Variants in ARL17B observed in about 807,000 individuals in gnomAD.
The protein encoded by ARL17B is ARF like GTPase 17B, also known as ADP-ribosylation factor-like protein 17.
chr17:46,285,386 T>A (rs1415767227), intron 4 of ARL17B, among the ~76,000 whole-genome samples: 1 of 151,994 alleles, frequency 6.6e-6, no homozygotes, highest in African/African-American at 2.4e-5. Flanking sequence ...GATTACAGGC[T>A]CACGCCACCA....
intron 4 of ARL17B, among the ~76,000 whole-genome samples, chr17:46,286,681 G>A (rs1462547906): frequency 4.6e-5 from 7 of 152,228 alleles, no homozygotes; most frequent in Admixed American, 1.3e-4. Context: ...AATTTGTAAT[G>A]TAAGTGTATA....
exon 5 of ARL17B, chr17:46,275,417 A>T (rs1315356572): frequency 1.0e-6 from 1 of 963,994 alleles, no homozygotes; most frequent in African/African-American, 1.8e-5. Flanking sequence ...TTGTTGTGAG[A>T]CCTACAGAGT....
At position 46,283,234 on chromosome 17, in the gene ARL17B, C is replaced by G. The variant is rs552161562; in HGVS notation, c.*22-7816G>C. ...CCCCACCAGCCTTGCTAAAAGTATT[C>G]TAAGATATTAATTTTATGGTTAATA... On this transcript the variant is annotated intron_variant, in intron 4 of 4. Coordinates refer to the ARL17B transcript ENST00000570618. Among the ~76,000 whole-genome samples, 158 of 152,316 alleles carry G rather than the reference C, an allele frequency of 1.0e-3. 1 individual carries two copies. The highest frequency in any genetic ancestry group is 1.4e-3 in the Non-Finnish European group (98 of 68,034).
chr17:46,323,294 C>A (rs2051497904), intron 3 of ARL17B, among the ~76,000 whole-genome samples: 1 of 56,462 alleles, frequency 1.8e-5, no homozygotes, highest in Non-Finnish European at 4.2e-5. Context: ...CTGTTAGCTA[C>A]TAATCTGATT....
At chr17:46,282,382 C>T (rs1202538115) in intron 4 of ARL17B, among the ~76,000 whole-genome samples, 1 of 151,934 alleles carries the variant, frequency 6.6e-6, no homozygotes, top group Non-Finnish European at 1.5e-5. Flanking sequence ...GGATTACAGG[C>T]GTGATCCACC....
chr17:46,284,499 T>C (rs2049853674), intron 4 of ARL17B, among the ~76,000 whole-genome samples: 1 of 152,258 alleles, frequency 6.6e-6, no homozygotes. Context: ...CTTTTCTTAG[T>C]ACAGAACAAA....
At chr17:46,321,914 C>CA (rs1263117066) in intron 3 of ARL17B, among the ~76,000 whole-genome samples, 188 of 10,978 alleles carry the variant, frequency 0.017, 18 homozygotes, top group East Asian at 0.026. Flanking sequence ...GACTCCATCT[C>CA]AAAAAAAAAA....
intron 4 of ARL17B, among the ~76,000 whole-genome samples, chr17:46,291,631 GACA>G (rs2050069863): frequency 6.6e-6 from 1 of 152,040 alleles, no homozygotes; most frequent in Non-Finnish European, 1.5e-5. Flanking sequence ...ATGAAAAAAA[GACA>G]ACCAGGGCCC....
At chr17:46,291,179 G>C (rs1257459725) in intron 4 of ARL17B, among the ~76,000 whole-genome samples, 1 of 152,216 alleles carries the variant, frequency 6.6e-6, no homozygotes, top group Non-Finnish European at 1.5e-5. Context: ...TCATTTCCTA[G>C]TTCATATATT....
chr17:46,288,650 G>A (rs957428853), intron 4 of ARL17B, among the ~76,000 whole-genome samples: 2 of 151,666 alleles, frequency 1.3e-5, no homozygotes, highest in African/African-American at 4.8e-5. Context: ...ACGACCAGAG[G>A]TCACTTTCGT....
rs373357136 is a variant in ARL17B at position 46,279,424 on chromosome 17, T to A, written c.*22-4006A>T. ...GTCTTGAACTCCCGACCTCAGGTGA[T>A]CCATCCACCTTGGCCCTCCAAAGTG... On this transcript the variant is annotated intron_variant, in intron 4 of 4. Transcript: ENST00000570618. Among the ~76,000 whole-genome samples the A allele has an allele frequency of 9.2e-5, 14 of 152,078 alleles. No individual in the cohort carries two copies. The East Asian group carries it at 2.7e-3, about 29-fold the overall frequency.
intron 4 of ARL17B, among the ~76,000 whole-genome samples, chr17:46,279,966 T>G (rs940493894): frequency 2.6e-5 from 4 of 152,230 alleles, no homozygotes; most frequent in African/African-American, 9.6e-5. Flanking sequence ...AGTGCTCCAT[T>G]CTCCTGCTAG....
At chr17:46,292,388 G>A (rs182818231) in intron 4 of ARL17B, among the ~76,000 whole-genome samples, 1 of 79,874 alleles carries the variant, frequency 1.3e-5, no homozygotes, top group African/African-American at 3.2e-5. Context: ...AACATTGCCA[G>A]TATAACCATA....
chr17:46,280,233 A>T (rs2049723818), intron 4 of ARL17B, among the ~76,000 whole-genome samples: 2 of 152,180 alleles, frequency 1.3e-5, no homozygotes, highest in Non-Finnish European at 2.9e-5. Context: ...GTGTGGTGGC[A>T]GGCGCCTGTA....
intron 3 of ARL17B, among the ~76,000 whole-genome samples, chr17:46,342,637 T>G (rs1443512639): frequency 1.2e-5 from 1 of 81,152 alleles, no homozygotes; most frequent in Non-Finnish European, 2.2e-5. Flanking sequence ...GGACAATTTT[T>G]TTTTTTTTTT....
intron 4 of ARL17B, among the ~76,000 whole-genome samples, chr17:46,279,725 G>A (rs1248530452): frequency 6.6e-6 from 1 of 151,748 alleles, no homozygotes; most frequent in Non-Finnish European, 1.5e-5. Context: ...AGAATTCCTG[G>A]GCTCAAGCAT....
At chr17:46,291,790 CA>C (rs2050074852) in intron 4 of ARL17B, among the ~76,000 whole-genome samples, 1 of 151,542 alleles carries the variant, frequency 6.6e-6, no homozygotes, top group Admixed American at 6.6e-5. Flanking sequence ...ACAATAACAA[CA>C]AAAAACACCC....
intron 3 of ARL17B, among the ~76,000 whole-genome samples, chr17:46,317,079 A>C (rs1250204671): frequency 3.6e-5 from 3 of 83,788 alleles, no homozygotes; most frequent in Non-Finnish European, 3.5e-5. Context: ...TTTTCTATTC[A>C]ACAAAACCGC....
intron 4 of ARL17B, among the ~76,000 whole-genome samples, chr17:46,276,957 C>T (rs1384815622): frequency 3.9e-5 from 6 of 151,980 alleles, no homozygotes; most frequent in Non-Finnish European, 8.8e-5. Flanking sequence ...GCACGTGCCA[C>T]CATGCTCAGC....
Sources: allele counts gnomAD v4.1 joint callset (sites outside exome capture counted in the v4.1 genomes callset), GRCh38; gene constraint gnomAD v4.1.1; transcripts MANE v1.5; gene names NCBI Gene and HGNC (gene_info 2026-07-23, HGNC 2026-07-21).